Variants in TBC1D5 observed in about 807,000 individuals in gnomAD.
TBC1D5 encodes the protein TBC1 domain family member 5.
Under a neutral mutation model 100.3 loss-of-function variants are expected in TBC1D5, and 75 were observed. That is an observed-to-expected ratio of 0.75 (90% CI 0.62 to 0.91). The LOEUF is 0.91. Among genes scored for constraint, TBC1D5 ranks in the 40% least tolerant of loss-of-function variants. The pLI is 0.00. For synonymous variants in TBC1D5, 323 were observed against 325.6 expected (o/e 0.99, Z 0.09); for missense variants, 910 against 942.4 (o/e 0.97, Z 0.45).
intron 2 of TBC1D5, among the ~76,000 whole-genome samples, chr3:17,565,665 CA>C (rs2096589054): frequency 6.6e-6 from 1 of 151,976 alleles, no homozygotes; most frequent in Non-Finnish European, 1.5e-5. Context: ...CATGCTTTAA[CA>C]AAAAGAAATA....
At chr3:17,599,250 T>C (rs575073916) in intron 2 of TBC1D5, among the ~76,000 whole-genome samples, 58 of 152,182 alleles carry the variant, frequency 3.8e-4, no homozygotes, top group Non-Finnish European at 5.1e-4. Context: ...CGCCCAAATG[T>C]TGCTTTTTCC....
intron 3 of TBC1D5, among the ~76,000 whole-genome samples, chr3:17,477,716 A>C (rs1300548427): frequency 6.6e-6 from 1 of 152,066 alleles, no homozygotes; most frequent in Non-Finnish European, 1.5e-5. Context: ...GATGTGTAAA[A>C]TATAACCTAG....
chr3:17,717,373 TATA>T (rs2075330398), intron 1 of TBC1D5, among the ~76,000 whole-genome samples: 1 of 152,160 alleles, frequency 6.6e-6, no homozygotes, highest in Non-Finnish European at 1.5e-5. Context: ...TTTGCGTAAC[TATA>T]ATGAGAGCTT....
chr3:17,223,018 A>G (rs1424863020), intron 17 of TBC1D5, among the ~76,000 whole-genome samples: 1 of 152,088 alleles, frequency 6.6e-6, no homozygotes, highest in Admixed American at 6.5e-5. Flanking sequence ...ATCTTACAAC[A>G]TTTAGTTGTC....
intron 2 of TBC1D5, among the ~76,000 whole-genome samples, chr3:17,532,177 A>G (rs991008129): frequency 1.6e-4 from 24 of 152,350 alleles, no homozygotes; most frequent in African/African-American, 5.8e-4. Context: ...TGGGCAAAGG[A>G]TATGAACAGA....
chr3:17,451,457 T>C (rs1458178825), intron 3 of TBC1D5, among the ~76,000 whole-genome samples: 1 of 152,168 alleles, frequency 6.6e-6, no homozygotes, highest in African/African-American at 2.4e-5. Context: ...AGATACCATC[T>C]CATGTCAGTT....
chr3:17,723,062 TCTAAAGAATGAATAAAAC>T (rs367753301), intron 1 of TBC1D5, among the ~76,000 whole-genome samples: 1,736 of 152,312 alleles, frequency 0.011, 27 homozygotes, highest in African/African-American at 0.039. Flanking sequence ...AAAAAATAGT[TCTAAAGAATGAATAAAAC>T]CTACTATTAT....
Position 17,578,439 on chromosome 3 carries a change from C to A in TBC1D5, c.-36+45410G>T, listed in dbSNP as rs111667985. The stretch of plus-strand genomic sequence containing the variant: ...CAACTGAAAGAACATGAACTTAAAC[C>A]CATTTGTTATCAGATTAAAATAATG... On this transcript the variant is annotated intron_variant, in intron 2 of 21. Coordinates refer to ENST00000253692, the Ensembl canonical transcript of TBC1D5. Among the ~76,000 whole-genome samples the A allele has an allele frequency of 3.6e-3, 546 of 151,812 alleles. 3 individuals are homozygous for A. Among genetic ancestry groups the A allele is most frequent in the African/African-American group, 0.012 (508 of 41,272 alleles).
intron 1 of TBC1D5, among the ~76,000 whole-genome samples, chr3:17,684,384 A>C (rs2069951113): frequency 6.6e-6 from 1 of 152,118 alleles, no homozygotes. Context: ...CTGTCTACAG[A>C]GGCCATTTTC....
chr3:17,420,133 GC>G (rs1183191909), intron 4 of TBC1D5, among the ~76,000 whole-genome samples: 2 of 151,676 alleles, frequency 1.3e-5, no homozygotes, highest in African/African-American at 4.8e-5. Flanking sequence ...TGAGGGTTTA[GC>G]ACACTGGTTT....
chr3:17,426,483 T>A (rs1223890746), intron 4 of TBC1D5, among the ~76,000 whole-genome samples: 1 of 151,752 alleles, frequency 6.6e-6, no homozygotes, highest in African/African-American at 2.4e-5. Context: ...AAAGTACATT[T>A]TTACATACTG....
At chr3:17,647,620 T>A (rs2065132518) in intron 1 of TBC1D5, among the ~76,000 whole-genome samples, 1 of 152,148 alleles carries the variant, frequency 6.6e-6, no homozygotes. Flanking sequence ...ACTGAAAGAC[T>A]GTCACTGAGC....
chr3:17,632,639 A>G (rs1051592289), intron 1 of TBC1D5, among the ~76,000 whole-genome samples: 5 of 152,146 alleles, frequency 3.3e-5, no homozygotes, highest in African/African-American at 1.2e-4. Flanking sequence ...TTCAGCAACC[A>G]CCACCCTGAT....
chr3:17,716,115 G>A (rs566457024), intron 1 of TBC1D5, among the ~76,000 whole-genome samples: 1 of 152,214 alleles, frequency 6.6e-6, no homozygotes, highest in Admixed American at 6.5e-5. Flanking sequence ...GGCACCATGA[G>A]GTCCTTAGAT....
At chr3:17,570,644 T>A (rs1166437736) in intron 2 of TBC1D5, among the ~76,000 whole-genome samples, 3 of 152,134 alleles carry the variant, frequency 2.0e-5, no homozygotes, top group Middle Eastern at 6.8e-3. Flanking sequence ...AAGTTGCAGA[T>A]GTTATTCTAC....
chr3:17,222,470 C>T (rs1043721213), intron 17 of TBC1D5, among the ~76,000 whole-genome samples: 1 of 152,068 alleles, frequency 6.6e-6, no homozygotes, highest in Admixed American at 6.6e-5. Flanking sequence ...CTTACATGTC[C>T]CCAAATGTCC....
chr3:17,182,729 T>C (rs917024549), intron 19 of TBC1D5, among the ~76,000 whole-genome samples: 8 of 152,226 alleles, frequency 5.3e-5, no homozygotes, highest in Non-Finnish European at 8.8e-5. Flanking sequence ...ATTAGTCATA[T>C]ACAACTATAT....
intron 21 of TBC1D5, among the ~76,000 whole-genome samples, chr3:17,165,068 G>T (rs1197211013): frequency 6.6e-6 from 1 of 152,150 alleles, no homozygotes; most frequent in East Asian, 1.9e-4. Flanking sequence ...ACACGCAGAG[G>T]TGCAGTATCT....
chr3:17,355,645 T>C (rs2091142107), intron 13 of TBC1D5, among the ~76,000 whole-genome samples: 1 of 123,220 alleles, frequency 8.1e-6, no homozygotes, highest in Non-Finnish European at 1.9e-5. Flanking sequence ...AAGAAAGTAA[T>C]AAATTTTTTT....
Sources: gnomAD v4.1 joint callset for allele counts (sites outside exome capture counted in the v4.1 genomes callset) on GRCh38, gnomAD v4.1.1 for gene constraint, MANE v1.5 for transcripts, NCBI Gene and HGNC (gene_info 2026-07-23, HGNC 2026-07-21) for gene names.